Variants in EEF2K observed in about 807,000 individuals in gnomAD.
The protein encoded by EEF2K is alternative protein EEF2K.
A neutral mutation model predicts 93.8 loss-of-function variants in EEF2K; 70 were observed. That is an observed-to-expected ratio of 0.75 (90% confidence interval 0.62 to 0.91). The LOEUF is 0.91. Among genes scored for constraint, EEF2K ranks in the 40% least tolerant of loss-of-function variants. The pLI, the probability that EEF2K is intolerant of heterozygous loss-of-function variation, is 0.00. For missense variants in EEF2K, 935 were observed against 972.9 expected (o/e 0.96, Z 0.52); for synonymous variants, 376 against 380.8 (o/e 0.99, Z 0.15).
chr16:22,226,837 A>C (rs1038391734), intron 2 of EEF2K, among the ~76,000 whole-genome samples: 1 of 152,190 alleles, frequency 6.6e-6, no homozygotes, highest in African/African-American at 2.4e-5. Flanking sequence ...GCACTTTGAG[A>C]GGACAAAAGG....
Position 22,245,790 on chromosome 16 carries a change from A to G in EEF2K, c.347+1060A>G, listed in dbSNP as rs369311300. Reference sequence around the variant, plus strand: ...TATGCACCTATCTGTGACAAAAACAAACTTAATTTAACCTACTGTACCCTT... The same window carrying G: ...TATGCACCTATCTGTGACAAAAACAGACTTAATTTAACCTACTGTACCCTT... On this transcript the variant is annotated intron_variant, in intron 3 of 17. Transcript: ENST00000263026. Among the ~76,000 whole-genome samples the G allele has an allele frequency of 8.0e-4, 122 of 152,212 alleles. 4 individuals carry two copies. In the South Asian group the frequency reaches 0.025, roughly 31 times the overall value.
chr16:22,254,854 T>C (rs1598190261), intron 6 of EEF2K, among the ~76,000 whole-genome samples: 1 of 151,950 alleles, frequency 6.6e-6, no homozygotes, highest in Non-Finnish European at 1.5e-5. Flanking sequence ...GGCGGATCAC[T>C]TGAGGTCAGG....
intron 2 of EEF2K, among the ~76,000 whole-genome samples, chr16:22,241,517 C>T (rs938507330): frequency 5.9e-5 from 9 of 151,422 alleles, no homozygotes; most frequent in Non-Finnish European, 1.0e-4. Flanking sequence ...TGTTGGCTCA[C>T]GCCTGTAATC....
At chr16:22,275,329 AATT>A (rs947891743) in intron 16 of EEF2K, among the ~76,000 whole-genome samples, 13 of 150,510 alleles carry the variant, frequency 8.6e-5, no homozygotes, top group African/African-American at 2.7e-4. Context: ...TTTATTTTTT[AATT>A]ATTATTATTT....
intron 1 of EEF2K, among the ~76,000 whole-genome samples, chr16:22,216,421 C>T (rs1265044901): frequency 2.6e-5 from 4 of 152,162 alleles, no homozygotes; most frequent in Non-Finnish European, 5.9e-5. Context: ...AGAAATTACG[C>T]CTTTTTGAGG....
intron 1 of EEF2K, among the ~76,000 whole-genome samples, chr16:22,224,071 G>T (rs978218116): frequency 6.6e-6 from 1 of 152,110 alleles, no homozygotes; most frequent in Non-Finnish European, 1.5e-5. Context: ...GCCGCGCGTG[G>T]TAGTGGATGC....
chr16:22,271,160 G>A (rs971320942), intron 15 of EEF2K, among the ~76,000 whole-genome samples: 1 of 151,280 alleles, frequency 6.6e-6, no homozygotes. Context: ...AGTAGAGAAG[G>A]GATTTCACCA....
At chr16:22,241,057 C>T (rs540071544) in intron 2 of EEF2K, among the ~76,000 whole-genome samples, 11 of 152,020 alleles carry the variant, frequency 7.2e-5, no homozygotes, top group South Asian at 2.1e-4. Flanking sequence ...TGTGAGCCAC[C>T]GCGCCCGGCC....
chr16:22,239,909 C>T (rs1410784604), intron 2 of EEF2K, among the ~76,000 whole-genome samples: 1 of 151,972 alleles, frequency 6.6e-6, no homozygotes, highest in Admixed American at 6.6e-5. Flanking sequence ...TCGAGACCAT[C>T]CTGGCCAACA....
rs569749094 is a variant in EEF2K at position 22,267,814 on chromosome 16, T to C, written c.1764+938T>C. 2.6e-5 allele frequency among the ~76,000 whole-genome samples: 4 copies of C among 152,248 alleles called. No homozygotes were observed. In the East Asian group the frequency reaches 7.7e-4, roughly 29 times the overall value. The stretch of plus-strand genomic sequence containing the variant: ...GGTGTGGACCTGCAGGGAAATTGCG[T>C]AGGAGCCTGCTGCTGCTTCTGTCCC... On this transcript the variant is annotated intron_variant, in intron 15 of 17. Coordinates refer to ENST00000263026, the MANE Select transcript of EEF2K (RefSeq NM_013302.5).
intron 1 of EEF2K, among the ~76,000 whole-genome samples, chr16:22,207,974 G>T (rs548764998): frequency 6.6e-6 from 1 of 152,280 alleles, no homozygotes; most frequent in Non-Finnish European, 1.5e-5. Flanking sequence ...TCTTCCTTCT[G>T]TGTGGCCTCC....
intron 1 of EEF2K, among the ~76,000 whole-genome samples, chr16:22,223,262 G>GTTTTTTTTTTTTTTTT (rs58446693): frequency 9.3e-6 from 1 of 107,470 alleles, no homozygotes; most frequent in African/African-American, 3.4e-5. Flanking sequence ...GTTTTTTTCT[G>GTTTTTTTTTTTTTTTT]TTTTTTTTTT....
chr16:22,226,776 T>C (rs1163580764), intron 2 of EEF2K, among the ~76,000 whole-genome samples: 3 of 152,184 alleles, frequency 2.0e-5, no homozygotes, highest in Admixed American at 1.3e-4. Flanking sequence ...AAAGAATTTA[T>C]TTAACAACAT....
At chr16:22,226,334 T>C (rs1050659667) in intron 2 of EEF2K, among the ~76,000 whole-genome samples, 1 of 147,284 alleles carries the variant, frequency 6.8e-6, no homozygotes. Flanking sequence ...TCTTTTTTTT[T>C]TTTTTTTTTT....
intron 6 of EEF2K, among the ~76,000 whole-genome samples, chr16:22,254,326 C>T (rs146614725): frequency 3.9e-5 from 6 of 152,178 alleles, no homozygotes; most frequent in East Asian, 3.9e-4. Flanking sequence ...TGAGAACCGC[C>T]GCTCCCTGCC....
intron 2 of EEF2K, among the ~76,000 whole-genome samples, chr16:22,240,981 G>T (rs988264759): frequency 1.1e-4 from 17 of 151,874 alleles, no homozygotes; most frequent in Non-Finnish European, 2.2e-4. Context: ...TGTTGGCCAG[G>T]CTGGTATCAA....
At chr16:22,218,609 A>T (rs1323335697) in intron 1 of EEF2K, among the ~76,000 whole-genome samples, 1 of 152,114 alleles carries the variant, frequency 6.6e-6, no homozygotes, top group East Asian at 1.9e-4. Flanking sequence ...TTCCCTGAGG[A>T]CCCCTGAAGA....
At chr16:22,241,525 A>G (rs2047221721) in intron 2 of EEF2K, among the ~76,000 whole-genome samples, 1 of 151,030 alleles carries the variant, frequency 6.6e-6, no homozygotes, top group South Asian at 2.1e-4. Context: ...CACGCCTGTA[A>G]TCCCAGCTAC....
chr16:22,261,128 T>G (rs765547524), intron 11 of EEF2K, among the ~76,000 whole-genome samples: 10 of 152,174 alleles, frequency 6.6e-5, no homozygotes, highest in Non-Finnish European at 1.3e-4. Context: ...ATCCCAGCAC[T>G]TTGGGAGACC....
Sources: gnomAD v4.1 joint callset for allele counts (sites outside exome capture counted in the v4.1 genomes callset) on GRCh38, gnomAD v4.1.1 for gene constraint, MANE v1.5 for transcripts, NCBI Gene and HGNC (gene_info 2026-07-23, HGNC 2026-07-21) for gene names.